Variants in DENND6B observed in about 807,000 individuals in gnomAD.
DENND6B encodes the protein DENN domain containing 6B, also known as protein DENND6B.
A neutral mutation model predicts 85.1 loss-of-function variants in DENND6B; 73 were observed. That is an observed-to-expected ratio of 0.86 (90% CI 0.71 to 1.04). The LOEUF is 1.04. DENND6B is among the 50% of genes least tolerant of loss of function. DENND6B has a pLI of 0.00. For missense variants in DENND6B, 715 were observed against 785.8 expected, an observed-to-expected ratio of 0.91 and a Z score of 1.08; for synonymous variants, 357 against 329.3, an observed-to-expected ratio of 1.08 and a Z score of -0.91.
chr22:50,316,065 T>A lies in DENND6B; in HGVS notation c.662A>T (p.Asp221Val). The A allele has an allele frequency of 6.2e-7, 1 of 1,612,572 alleles. No homozygotes were observed. The highest frequency in any genetic ancestry group is 8.5e-7 in the Non-Finnish European group (1 of 1,179,770). Reference sequence around the variant, plus strand: ...CTTCGGAGGACTGGACTCGGACTTGTCCACCCTGGATGGGATGCGCACCTG... The same window carrying A: ...CTTCGGAGGACTGGACTCGGACTTGACCACCCTGGATGGGATGCGCACCTG... ...VVQVRIPSRV[D>V]KSESSPPKQF... Residue 221 changes from aspartate (D) to valine (V), a missense_variant, in exon 8 of 20, where the codon GAC becomes GTC. Transcript: ENST00000413817.
intron 4 of DENND6B, 136 bp from the exon 5 acceptor site, chr22:50,317,509 G>A: frequency 1.0e-6 from 1 of 995,408 alleles, no homozygotes; most frequent in Non-Finnish European, 1.5e-6. Context: ...TGGAGCTGCT[G>A]TCCGTGCACT....
In DENND6B at chr22:50,312,412, G is replaced by T; in HGVS notation, c.1566C>A (p.Ile522=). 6.2e-7 allele frequency: 1 copy of T among 1,610,750 alleles called. No individual in the cohort carries two copies. Among genetic ancestry groups the T allele is most frequent in the Non-Finnish European group, 8.5e-7 (1 of 1,178,934 alleles). ...LHLEAICEAN[I]ETWMKDKSEV... ...CGGACTTGTCTTTCATCCAGGTCTC[G>T]ATGTTCTGCAGGGCAAGACGGGGTC... Residue 522 remains isoleucine (I), a synonymous_variant, in exon 19 of 20, where the codon ATC becomes ATA. Transcript: ENST00000413817.
At chr22:50,313,948 A>T (rs1337535342) in intron 13 of DENND6B, 70 bp from the exon 14 acceptor site, 1 of 1,503,398 alleles carries the variant, frequency 6.7e-7, no homozygotes, top group Non-Finnish European at 8.9e-7. Context: ...AGCCCCACAG[A>T]GGAGCCAGGG....
In DENND6B at chr22:50,313,726, T is replaced by G; in HGVS notation, c.1204-2A>C. 6.2e-7 allele frequency: 1 copy of G among 1,603,732 alleles called. No homozygotes were observed. Among genetic ancestry groups the G allele is most frequent in the Non-Finnish European group, 8.5e-7 (1 of 1,176,762 alleles). ...TGACGGCCGCTTCTTCTGCACGCCC[T>G]GCAGGGGAGAGAGGGCCAGGCCCTT... On this transcript the variant is annotated splice_acceptor_variant, in intron 14 of 19. Coordinates refer to ENST00000413817, the MANE Select transcript of DENND6B (RefSeq NM_001001794.4). LOFTEE classifies it high-confidence loss of function.
At chr22:50,324,655 C>T (rs2042143230) in intron 1 of DENND6B, among the ~76,000 whole-genome samples, 2 of 152,132 alleles carry the variant, frequency 1.3e-5, no homozygotes, top group South Asian at 2.1e-4. Context: ...AACTCCTGAA[C>T]TCAGGTGATC....
intron 3 of DENND6B, among the ~76,000 whole-genome samples, chr22:50,318,275 G>A (rs531412543): frequency 7.3e-4 from 111 of 152,290 alleles, no homozygotes; most frequent in Admixed American, 2.3e-3. Context: ...CTTAGGGGGC[G>A]GAGGTTGCAG....
At chr22:50,313,552 A>AAGCCC in intron 15 of DENND6B, 53 bp from the exon 16 acceptor site, 1 of 389,638 alleles carries the variant, frequency 2.6e-6, no homozygotes, top group Non-Finnish European at 3.6e-6. Flanking sequence ...CCCCAGCCCC[A>AAGCCC]TCCCCCGCAG....
chr22:50,324,297 T>C (rs1158723570), intron 1 of DENND6B, among the ~76,000 whole-genome samples: 3 of 152,228 alleles, frequency 2.0e-5, no homozygotes, highest in Non-Finnish European at 4.4e-5. Flanking sequence ...CTATGGACTC[T>C]GAACCACTTA....
chr22:50,311,934 G>C lies in DENND6B; in HGVS notation c.*205C>G, dbSNP rs74328098. On this transcript the variant is annotated 3_prime_UTR_variant, in exon 20 of 20. Transcript: ENST00000413817. ...CCCAGGAGGAGGCAAGGCTCTGCCT[G>C]CGAGGAACCCCTATGGTCAAGGCCA... The C allele has an allele frequency of 6.3e-3, 5,504 of 871,350 alleles. 221 individuals are homozygous for C. The African/African-American group carries it at 0.082, about 13-fold the overall frequency. The allele number at this position is 871,350 out of a possible 1,614,324, so 54.0% of individuals were successfully genotyped here. A position where few individuals can be genotyped will look rare whatever the true frequency, so the allele number is the denominator to read the frequency against.
chr22:50,312,473 T>G, intron 18 of DENND6B, 50 bp downstream of exon 18: 1 of 1,582,728 alleles, frequency 6.3e-7, no homozygotes, highest in Non-Finnish European at 8.6e-7. Flanking sequence ...CCTGGGCCTG[T>G]GCCCACCCCC....
At chr22:50,320,027 C>T (rs1207425900) in intron 1 of DENND6B, among the ~76,000 whole-genome samples, 3 of 152,184 alleles carry the variant, frequency 2.0e-5, no homozygotes, top group African/African-American at 7.2e-5. Context: ...TCCCAGAGCC[C>T]CCATTCCCAG....
intron 1 of DENND6B, among the ~76,000 whole-genome samples, chr22:50,324,428 C>T (rs1219445477): frequency 2.0e-5 from 3 of 152,100 alleles, no homozygotes; most frequent in Admixed American, 1.3e-4. Flanking sequence ...ATGTGATCTA[C>T]GGTTTTGTTT....
intron 4 of DENND6B, 50 bp downstream of exon 4, chr22:50,317,858 C>A: frequency 1.9e-6 from 3 of 1,552,530 alleles, no homozygotes; most frequent in Non-Finnish European, 2.6e-6. Flanking sequence ...CCTGGCAGGA[C>A]CCTTGGGGAG....
intron 9 of DENND6B, 91 bp downstream of exon 9, chr22:50,315,621 CAT>C: frequency 2.9e-6 from 4 of 1,382,300 alleles, no homozygotes; most frequent in Non-Finnish European, 2.9e-6. Context: ...CACGCACACA[CAT>C]ACTCACACAC....
intron 1 of DENND6B, among the ~76,000 whole-genome samples, chr22:50,323,350 C>A (rs1222560684): frequency 6.7e-6 from 1 of 148,372 alleles, no homozygotes; most frequent in African/African-American, 2.5e-5. Context: ...AGTGCAGTGG[C>A]ACGATCTCAG....
Position 50,313,064 on chromosome 22 carries a change from A to T in DENND6B, c.1392T>A (p.Arg464=), listed in dbSNP as rs779905094. The stretch of plus-strand genomic sequence containing the variant: ...GCTGGGGCCCAGCATGCTCCAGGCT[A>T]CGCAGGAAGTCATCCTGGCTGAAGG... ...IQPFSQDDFL[R]SLEHAGPQLT... is the part of the protein sequence containing the mutation. The change falls in exon 17 of 20, where the codon CGT becomes CGA. Residue 464 remains arginine (R), a synonymous_variant. Coordinates refer to ENST00000413817, the MANE Select transcript of DENND6B (RefSeq NM_001001794.4). 3.8e-6 allele frequency: 6 copies of T among 1,560,288 alleles called. No individual in the cohort carries two copies. The highest frequency in any genetic ancestry group is 1.7e-4 in the Middle Eastern group (1 of 6,008).
Position 50,311,156 on chromosome 22 carries a change from G to A in DENND6B, c.*983C>T, listed in dbSNP as rs950731520. The stretch of plus-strand genomic sequence containing the variant: ...GGCACACAGTGCGTGATGCTGAGCA[G>A]GGCTTGGCTGTCCGGAGCCCTGACA... On this transcript the variant is annotated 3_prime_UTR_variant, in exon 20 of 20. Coordinates refer to ENST00000413817, the MANE Select transcript of DENND6B (RefSeq NM_001001794.4). The A allele has an allele frequency of 2.6e-5, 4 of 152,270 alleles. No homozygotes were observed. Among genetic ancestry groups the A allele is most frequent in the African/African-American group, 9.7e-5 (4 of 41,440 alleles). 9.4% of individuals were successfully genotyped at this position (152,270 alleles called of 1,614,324 possible). A position where few individuals can be genotyped will look rare whatever the true frequency, so the allele number is the denominator to read the frequency against.
chr22:50,316,687 C>T (rs1235683565), intron 5 of DENND6B: 8 of 1,484,914 alleles, frequency 5.4e-6, no homozygotes, highest in Middle Eastern at 1.7e-4. Context: ...CCCTGGGTGG[C>T]GGCCGGTGGG....
In DENND6B at chr22:50,314,609, C is replaced by T; in HGVS notation, c.973G>A (p.Ala325Thr). 1.3e-6 allele frequency: 2 copies of T among 1,561,220 alleles called. 1 individual carries two copies. ...EFKEFTTRTQ[A>T]PPNVVLGVTN... ...CGGGGCAGAGGCGGCACTTACGGGG[C>T]CTGCGTGCGTGTGGTGAACTCCTTG... is the stretch of plus-strand genomic sequence containing the variant. The change falls in exon 11 of 20, where the codon GCC becomes ACC. Residue 325 changes from alanine to threonine, a missense_variant. Physicochemically the swap from Ala to Thr is moderately conservative, Grantham distance 58. Coordinates refer to ENST00000413817, the MANE Select transcript of DENND6B (RefSeq NM_001001794.4).
Sources: allele counts gnomAD v4.1 joint callset (sites outside exome capture counted in the v4.1 genomes callset), GRCh38; gene constraint gnomAD v4.1.1; transcripts MANE v1.5; gene names NCBI Gene and HGNC (gene_info 2026-07-23, HGNC 2026-07-21).